The following PADI1 variants were observed in gnomAD, a reference collection of about 807,000 sequenced individuals.
The protein encoded by PADI1 is peptidyl arginine deiminase 1.
A neutral mutation model predicts 74.8 loss-of-function variants in PADI1; 65 were observed. That is an observed-to-expected ratio of 0.87 (90% CI 0.71 to 1.07). PADI1 has a LOEUF of 1.07. PADI1 is among the 50% of genes least tolerant of loss of function. The probability of loss-of-function intolerance (pLI) is 0.00; values close to 1 mark genes in which losing one functional copy is unlikely to be tolerated. For synonymous variants in PADI1, 371 were observed against 336.2 expected (o/e 1.10, Z -1.13); for missense variants, 943 against 854.0 (o/e 1.10, Z -1.30).
intron 1 of PADI1, among the ~76,000 whole-genome samples, chr1:17,209,101 G>C (rs1388890250): frequency 6.6e-6 from 1 of 152,204 alleles, no homozygotes; most frequent in African/African-American, 2.4e-5. Context: ...TGCCAAAACA[G>C]AGTTCGAAAA....
intron 1 of PADI1, among the ~76,000 whole-genome samples, chr1:17,206,753 C>A (rs897411239): frequency 1.5e-5 from 2 of 132,052 alleles, no homozygotes; most frequent in Admixed American, 9.1e-5. Context: ...GTGGCGAGAT[C>A]TTTGCTCACT....
Position 17,213,852 on chromosome 1 carries a change from C to T in PADI1, c.93-8438C>T, listed in dbSNP as rs79544847. Among the ~76,000 whole-genome samples, 329 of 152,330 alleles carry T rather than the reference C, an allele frequency of 2.2e-3. 7 individuals are homozygous for T. The East Asian group carries it at 0.036, about 17-fold the overall frequency. On this transcript the variant is annotated intron_variant, in intron 1 of 15. Transcript: ENST00000375471. The stretch of plus-strand genomic sequence containing the variant: ...TTTACACTCCTCATCCCGCCCTCCG[C>T]GTCTCCTTTTGTGAGATTCTCTAAG...
rs2071754771 is a variant in PADI1 at position 17,208,763 on chromosome 1, T to C, written c.92+3454T>C. 2.6e-5 allele frequency among the ~76,000 whole-genome samples: 4 copies of C among 152,242 alleles called. No individual in the cohort carries two copies. The South Asian group carries it at 8.3e-4, about 31-fold the overall frequency. On this transcript the variant is annotated intron_variant, in intron 1 of 15. Coordinates refer to ENST00000375471, the MANE Select transcript of PADI1 (RefSeq NM_013358.3). ...TCCTTGCCTAAGGAGTTCAGGTGGCTCATGCCAATAAAGACAGGGGTGGGA... is the reference window on the plus strand; with the variant it reads ...TCCTTGCCTAAGGAGTTCAGGTGGCCCATGCCAATAAAGACAGGGGTGGGA...
At chr1:17,209,237 G>C (rs540748050) in intron 1 of PADI1, among the ~76,000 whole-genome samples, 1 of 152,244 alleles carries the variant, frequency 6.6e-6, no homozygotes, top group Admixed American at 6.5e-5. Context: ...AATTTCCAGC[G>C]ACCGACAGGC....
At chr1:17,209,115 G>A (rs1390091125) in intron 1 of PADI1, among the ~76,000 whole-genome samples, 1 of 152,224 alleles carries the variant, frequency 6.6e-6, no homozygotes, top group Non-Finnish European at 1.5e-5. Flanking sequence ...TCGAAAACTT[G>A]TGGTATGTGT....
At chr1:17,206,224 T>G (rs1312686483) in intron 1 of PADI1, among the ~76,000 whole-genome samples, 3 of 152,126 alleles carry the variant, frequency 2.0e-5, no homozygotes, top group African/African-American at 7.2e-5. Context: ...TGTTACTGGG[T>G]GAGATCTGAG....
chr1:17,237,274 C>G (rs1428423695), intron 11 of PADI1, 40 bp from the exon 12 acceptor site: 1 of 1,563,756 alleles, frequency 6.4e-7, no homozygotes, highest in Non-Finnish European at 8.6e-7. Context: ...TGATGCCTCT[C>G]AGGCACAAGG....
At chr1:17,214,237 A>G (rs1245322622) in intron 1 of PADI1, among the ~76,000 whole-genome samples, 1 of 152,124 alleles carries the variant, frequency 6.6e-6, no homozygotes, top group Non-Finnish European at 1.5e-5. Context: ...GAGGCAGTTG[A>G]GTGACCCAGT....
In PADI1 at chr1:17,223,246, A is replaced by G. The variant is rs112435515; in HGVS notation, c.274-375A>G. 5.7e-3 allele frequency among the ~76,000 whole-genome samples: 868 copies of G among 152,170 alleles called. 12 individuals are homozygous for G. Among genetic ancestry groups the G allele is most frequent in the African/African-American group, 0.02 (823 of 41,510 alleles). ...TGATGGAGTGGGGGTTCTCATTCCC[A>G]TCTTATTGAGGAACTACCCGAGGCT... On this transcript the variant is annotated intron_variant, in intron 2 of 15. Coordinates refer to ENST00000375471, the MANE Select transcript of PADI1 (RefSeq NM_013358.3).
chr1:17,207,309 G>C (rs12082663), intron 1 of PADI1, among the ~76,000 whole-genome samples: 11,280 of 152,210 alleles, frequency 0.074, 547 homozygotes, highest in African/African-American at 0.13. Flanking sequence ...CCACTCTGCA[G>C]TTCACTGTGG....
intron 9 of PADI1, 40 bp from the exon 10 acceptor site, chr1:17,230,532 G>A (rs758935586): frequency 1.6e-5 from 23 of 1,446,870 alleles, no homozygotes; most frequent in Middle Eastern, 1.7e-4. Flanking sequence ...TAAACCACCC[G>A]AAAAAGGTCA....
Position 17,230,115 on chromosome 1 carries a change from A to C in PADI1, c.960A>C (p.Lys320Asn). Residue 320 changes from lysine to asparagine, a missense_variant, in exon 9 of 16, where the codon AAA (lysine) becomes AAC (asparagine). Transcript: ENST00000375471. Reference protein sequence around the residue: ...RVMDTHGSNEKFLEDMSYLTL... With the variant: ...RVMDTHGSNENFLEDMSYLTL... The stretch of plus-strand genomic sequence containing the variant: ...TGGACACTCATGGCTCCAATGAGAA[A>C]TTCCTGGAGGACATGTCTTATCTGA... 6.2e-7 allele frequency: 1 copy of C among 1,613,980 alleles called. No homozygotes were observed. The highest frequency in any genetic ancestry group is 8.5e-7 in the Non-Finnish European group (1 of 1,179,862).
rs750761146 is a variant in PADI1, at chr1:17,224,439, TC to T, written c.408+13del. On this transcript the variant is annotated intron_variant, in intron 4 of 15. Transcript: ENST00000375471. Reference sequence around the variant, plus strand: ...AGCCAAGGGGACAAGGTGAGACCCTTCCGGGCACCCCAAGGCTGCGGGGTTG... The same window carrying T: ...AGCCAAGGGGACAAGGTGAGACCCTTCGGGCACCCCAAGGCTGCGGGGTTG... The T allele has an allele frequency of 6.2e-7, 1 of 1,610,916 alleles. No individual in the cohort carries two copies. The highest frequency in any genetic ancestry group is 8.5e-7 in the Non-Finnish European group (1 of 1,177,866).
rs190741734 is a variant in PADI1 at position 17,227,317 on chromosome 1, G to A, written c.652+1159G>A. ...AATTCCAGCACTTTGGGAGGCCAAG[G>A]CGGGAGGATCACTTGAGCCCAGGAG... On this transcript the variant is annotated intron_variant, in intron 6 of 15. Transcript: ENST00000375471. Among the ~76,000 whole-genome samples the A allele has an allele frequency of 1.6e-3, 241 of 151,744 alleles. 1 individual carries two copies. The highest frequency in any genetic ancestry group is 5.6e-3 in the African/African-American group (230 of 41,330).
In PADI1 at chr1:17,232,827, C is replaced by T; in HGVS notation, c.1170C>T (p.Asp390=). Residue 390 remains aspartate, a synonymous_variant, in exon 11 of 16, where the codon GAC becomes GAT. Transcript: ENST00000375471. The part of the protein sequence containing the change: ...DFPYKRILGP[D]FGYVTREIPL... ...CGCTGGTTCTTCCATAGGGTCCTGA[C>T]TTTGGATATGTTACCCGGGAGATCC... is the stretch of plus-strand genomic sequence containing the variant. The T allele has an allele frequency of 6.2e-7, 1 of 1,612,828 alleles. No individual in the cohort carries two copies. Among genetic ancestry groups the T allele is most frequent in the Non-Finnish European group, 8.5e-7 (1 of 1,179,366 alleles).
intron 11 of PADI1, among the ~76,000 whole-genome samples, chr1:17,233,740 A>C (rs2072562831): frequency 1.3e-5 from 2 of 151,946 alleles, no homozygotes; most frequent in Non-Finnish European, 2.9e-5. Context: ...GCCCCCACTT[A>C]CCCCCCAAGC....
At chr1:17,238,030 T>C (rs1360587395) in intron 12 of PADI1, among the ~76,000 whole-genome samples, 3 of 152,120 alleles carry the variant, frequency 2.0e-5, no homozygotes, top group Non-Finnish European at 2.9e-5. Context: ...GACATCTGAA[T>C]TGGGTATTTT....
Position 17,230,306 on chromosome 1 carries a change from G to T in PADI1, c.1053+98G>T, listed in dbSNP as rs532835728. On this transcript the variant is annotated intron_variant, in intron 9 of 15. Transcript: ENST00000375471. ...GACCCAGTGTCGCTAGAGAAGCCAC[G>T]GCAGCCTGGGCCAGGCCTCTGGGGC... The T allele has an allele frequency of 5.1e-5, 74 of 1,451,754 alleles. No individual in the cohort carries two copies. The African/African-American group carries it at 8.6e-4, about 17-fold the overall frequency. The allele number at this position is 1,451,754 out of a possible 1,614,324, so 89.9% of individuals were successfully genotyped here.
chr1:17,223,335 G>T (rs536279095), intron 2 of PADI1, among the ~76,000 whole-genome samples: 1 of 152,164 alleles, frequency 6.6e-6, no homozygotes, highest in Non-Finnish European at 1.5e-5. Context: ...TCTGCCAGCT[G>T]CTCCTGCTGG....
Sources: gnomAD v4.1 joint callset for allele counts (sites outside exome capture counted in the v4.1 genomes callset) on GRCh38, gnomAD v4.1.1 for gene constraint, MANE v1.5 for transcripts, NCBI Gene and HGNC (gene_info 2026-07-23, HGNC 2026-07-21) for gene names.